The following OPCML variants were observed in gnomAD, a reference collection of about 807,000 sequenced individuals.
OPCML encodes opioid binding protein/cell adhesion molecule like.
Under a neutral mutation model 37.8 loss-of-function variants are expected in OPCML, and 13 were observed. That is an observed-to-expected ratio of 0.34 (90% CI 0.22 to 0.55). OPCML has a LOEUF of 0.55. OPCML is among the 20% of genes least tolerant of loss of function. The pLI, the probability that OPCML is intolerant of heterozygous loss-of-function variation, is 0.91. For synonymous variants in OPCML, 176 were observed against 168.8 expected (o/e 1.04, Z -0.33); for missense variants, 341 against 435.6 (o/e 0.78, Z 1.93).
intron 7 of OPCML, among the ~76,000 whole-genome samples, chr11:132,428,047 A>C (rs1482372928): frequency 1.3e-5 from 2 of 152,186 alleles, no homozygotes; most frequent in Non-Finnish European, 2.9e-5. Flanking sequence ...AAATGGACAA[A>C]TATGTGCAGC....
rs145160316 is a variant in OPCML, at chr11:132,975,079, T to C, written c.62-32069A>G. The stretch of plus-strand genomic sequence containing the variant: ...ACTCATTCATTCTTTCTCTCCACAG[T>C]TACTGCGCACCTACCTTGATGCCAC... On this transcript the variant is annotated intron_variant, in intron 1 of 7. Coordinates refer to ENST00000524381, the MANE Select transcript of OPCML (RefSeq NM_001012393.5). Among the ~76,000 whole-genome samples the C allele has an allele frequency of 2.5e-3, 387 of 152,034 alleles. 2 individuals carry two copies. Among genetic ancestry groups the C allele is most frequent in the African/African-American group, 8.7e-3 (362 of 41,490 alleles).
intron 1 of OPCML, chr11:133,361,982 G>A (rs1330481831): frequency 6.6e-6 from 1 of 152,330 alleles, no homozygotes; most frequent in East Asian, 1.9e-4. Context: ...AGCTGGCAAA[G>A]GCACGCGGCA....
chr11:132,673,238 G>A (rs189117215), intron 2 of OPCML, among the ~76,000 whole-genome samples: 1 of 152,166 alleles, frequency 6.6e-6, no homozygotes, highest in African/African-American at 2.4e-5. Context: ...AGAACGCATG[G>A]GTGAAGATCA....
chr11:133,044,446 A>G (rs1947967919), intron 1 of OPCML, among the ~76,000 whole-genome samples: 1 of 152,140 alleles, frequency 6.6e-6, no homozygotes, highest in Admixed American at 6.5e-5. Context: ...TGAAAAAGGA[A>G]GGGGAAATCG....
intron 1 of OPCML, among the ~76,000 whole-genome samples, chr11:133,060,934 C>T (rs139533104): frequency 2.0e-4 from 30 of 152,344 alleles, no homozygotes; most frequent in African/African-American, 7.0e-4. Context: ...CTTTTGCCTC[C>T]ACTTAACTTT....
intron 1 of OPCML, among the ~76,000 whole-genome samples, chr11:133,014,379 G>C (rs1947279070): frequency 6.6e-6 from 1 of 151,896 alleles, no homozygotes; most frequent in Non-Finnish European, 1.5e-5. Context: ...AAGAACCTAT[G>C]GGGATTGAAG....
At chr11:132,437,390 C>G in intron 4 of OPCML, 31 bp from the exon 5 acceptor site, 1 of 1,610,836 alleles carries the variant, frequency 6.2e-7, no homozygotes. Context: ...AGGAAACAAT[C>G]AGGAAACTGT....
At chr11:133,230,986 G>A (rs948184236) in intron 1 of OPCML, among the ~76,000 whole-genome samples, 8 of 152,252 alleles carry the variant, frequency 5.3e-5, no homozygotes, top group African/African-American at 9.6e-5. Context: ...TGTGCAGGGC[G>A]CTTTCCACAC....
chr11:132,544,288 C>G (rs2096363883), intron 3 of OPCML, among the ~76,000 whole-genome samples: 1 of 152,110 alleles, frequency 6.6e-6, no homozygotes, highest in Non-Finnish European at 1.5e-5. Context: ...GAATAATTCA[C>G]ACCGTTTACT....
At chr11:133,014,624 T>C (rs780298112) in intron 1 of OPCML, among the ~76,000 whole-genome samples, 5 of 152,190 alleles carry the variant, frequency 3.3e-5, no homozygotes, top group East Asian at 1.9e-4. Context: ...CGGTGATGCA[T>C]TCAATGTCCT....
At chr11:133,204,907 T>TATATAC (rs1555114261) in intron 1 of OPCML, among the ~76,000 whole-genome samples, 3 of 133,500 alleles carry the variant, frequency 2.2e-5, no homozygotes, top group South Asian at 4.9e-4. Context: ...TATATATATA[T>TATATAC]ATACATACAC....
intron 3 of OPCML, among the ~76,000 whole-genome samples, chr11:132,616,911 T>C (rs1939065390): frequency 6.6e-6 from 1 of 152,246 alleles, no homozygotes; most frequent in Admixed American, 6.5e-5. Context: ...GGATGTTTGC[T>C]CAATGGAATC....
intron 4 of OPCML, among the ~76,000 whole-genome samples, chr11:132,467,914 G>A (rs900426443): frequency 6.6e-6 from 1 of 152,184 alleles, no homozygotes; most frequent in Non-Finnish European, 1.5e-5. Flanking sequence ...AGGGCAAAGT[G>A]TTTGGTGTCA....
chr11:133,151,050 G>A (rs1467760215), intron 1 of OPCML, among the ~76,000 whole-genome samples: 7 of 151,744 alleles, frequency 4.6e-5, no homozygotes, highest in South Asian at 4.2e-4. Context: ...TGAGGTGAGC[G>A]GATCACAAGG....
intron 1 of OPCML, among the ~76,000 whole-genome samples, chr11:133,444,651 C>T (rs992139997): frequency 6.6e-6 from 1 of 152,092 alleles, no homozygotes; most frequent in Non-Finnish European, 1.5e-5. Flanking sequence ...AACAAAATAT[C>T]GTAATCAATA....
chr11:132,479,117 G>A (rs1197654541), intron 4 of OPCML, among the ~76,000 whole-genome samples: 1 of 152,184 alleles, frequency 6.6e-6, no homozygotes, highest in African/African-American at 2.4e-5. Flanking sequence ...ATTTCCATCT[G>A]AGGTAACGGG....
chr11:133,497,308 G>A (rs1428369709), intron 1 of OPCML, among the ~76,000 whole-genome samples: 1 of 152,054 alleles, frequency 6.6e-6, no homozygotes, highest in Non-Finnish European at 1.5e-5. Flanking sequence ...CTATTGTTGA[G>A]AGTTTCCAGA....
intron 3 of OPCML, among the ~76,000 whole-genome samples, chr11:132,640,839 G>T (rs1270427256): frequency 1.3e-5 from 2 of 152,198 alleles, no homozygotes; most frequent in Non-Finnish European, 2.9e-5. Context: ...GGGCGCTGCA[G>T]GGTGCACTAA....
chr11:132,637,824 C>T (rs1030349360), intron 3 of OPCML, among the ~76,000 whole-genome samples: 5 of 152,088 alleles, frequency 3.3e-5, no homozygotes, highest in Admixed American at 6.6e-5. Flanking sequence ...TGATTGATCA[C>T]GTGCCTGTGT....
Sources: allele counts gnomAD v4.1 joint callset (sites outside exome capture counted in the v4.1 genomes callset), GRCh38; gene constraint gnomAD v4.1.1; transcripts MANE v1.5; gene names NCBI Gene and HGNC (gene_info 2026-07-23, HGNC 2026-07-21).